Variants in SGSM1 observed in about 807,000 individuals in gnomAD.
SGSM1 encodes small G protein signaling modulator 1.
In SGSM1, 73 loss-of-function variants were observed where a neutral mutation model predicts 133.8. The observed-to-expected ratio is 0.55, with a 90% CI of 0.45 to 0.66. SGSM1 has a LOEUF of 0.66. SGSM1 is among the 30% of genes least tolerant of loss of function. The probability of loss-of-function intolerance (pLI) is 0.00; values close to 1 mark genes in which losing one functional copy is unlikely to be tolerated. For missense variants in SGSM1, 1,213 were observed against 1,448.1 expected (o/e 0.84, Z 2.64); for synonymous variants, 563 against 573.0 (o/e 0.98, Z 0.25).
At chr22:24,850,924 C>T (rs1272989057) in intron 5 of SGSM1, among the ~76,000 whole-genome samples, 3 of 151,930 alleles carry the variant, frequency 2.0e-5, no homozygotes, top group East Asian at 1.9e-4. Flanking sequence ...GGTGAAACCC[C>T]GTCTCTACTA....
intron 2 of SGSM1, among the ~76,000 whole-genome samples, chr22:24,822,257 AT>A (rs1300261531): frequency 6.6e-6 from 1 of 151,120 alleles, no homozygotes; most frequent in South Asian, 2.1e-4. Flanking sequence ...CGCCCGGCCA[AT>A]TTTTTTTGTA....
At chr22:24,888,938 CTTTTTTTTT>C (rs1234715475) in intron 16 of SGSM1, among the ~76,000 whole-genome samples, 1 of 79,952 alleles carries the variant, frequency 1.3e-5, no homozygotes, top group Non-Finnish European at 2.2e-5. Flanking sequence ...TCATAGTCAC[CTTTTTTTTT>C]TTTTTTTTTT....
At chr22:24,834,675 C>G (rs1393870179) in intron 2 of SGSM1, among the ~76,000 whole-genome samples, 1 of 152,086 alleles carries the variant, frequency 6.6e-6, no homozygotes, top group Non-Finnish European at 1.5e-5. Context: ...GGATCTGATC[C>G]AAGTCTCCCT....
intron 9 of SGSM1, among the ~76,000 whole-genome samples, chr22:24,866,336 CAG>C (rs1192268309): frequency 4.6e-5 from 7 of 152,286 alleles, no homozygotes; most frequent in Middle Eastern, 3.4e-3. Flanking sequence ...AACTGAGGCT[CAG>C]AGAAACCCTC....
At chr22:24,870,817 A>G (rs1931731157) in intron 12 of SGSM1, among the ~76,000 whole-genome samples, 1 of 152,192 alleles carries the variant, frequency 6.6e-6, no homozygotes, top group Non-Finnish European at 1.5e-5. Context: ...TTGTGAGGCA[A>G]ACTCTGACAT....
chr22:24,812,728 A>G (rs544010812), intron 2 of SGSM1, among the ~76,000 whole-genome samples: 7 of 152,156 alleles, frequency 4.6e-5, no homozygotes, highest in Non-Finnish European at 1.0e-4. Context: ...AGGGACCAGG[A>G]TAGACAGTTT....
chr22:24,836,663 T>C (rs920931051), intron 2 of SGSM1, among the ~76,000 whole-genome samples: 3 of 152,240 alleles, frequency 2.0e-5, no homozygotes, highest in Non-Finnish European at 4.4e-5. Flanking sequence ...TGGTATCTCA[T>C]TGTGGTTTTG....
At chr22:24,878,415 G>A (rs1210923328) in intron 13 of SGSM1, among the ~76,000 whole-genome samples, 10 of 152,158 alleles carry the variant, frequency 6.6e-5, no homozygotes, top group African/African-American at 2.4e-4. Context: ...CTATTCTGAT[G>A]TAATCTGAGC....
chr22:24,898,291 G>T lies in SGSM1; in HGVS notation c.2342G>T (p.Ser781Ile), dbSNP rs753626320. 17 of 1,613,994 alleles carry T rather than the reference G, an allele frequency of 1.1e-5. No homozygotes were observed. Among genetic ancestry groups the T allele is most frequent in the Non-Finnish European group, 1.4e-5 (16 of 1,179,882 alleles). ...APREELAVQD[S>I]LESDLLANES... The stretch of plus-strand genomic sequence containing the variant: ...CGGGAGGAGCTGGCCGTGCAGGACA[G>T]CCTGGAGAGTGACCTCCTGGCCAAC... Residue 781 changes from serine to isoleucine, a missense_variant, in exon 19 of 25, where the codon AGC becomes ATC. Transcript: ENST00000400358.
chr22:24,887,213 A>G (rs1932664444), intron 16 of SGSM1, among the ~76,000 whole-genome samples: 1 of 151,384 alleles, frequency 6.6e-6, no homozygotes, highest in Non-Finnish European at 1.5e-5. Context: ...TTAATGCTAT[A>G]AGGACCCCCA....
intron 24 of SGSM1, among the ~76,000 whole-genome samples, chr22:24,920,931 A>T (rs1480179496): frequency 6.6e-6 from 1 of 152,102 alleles, no homozygotes; most frequent in Non-Finnish European, 1.5e-5. Context: ...ACCATCTATT[A>T]AACTACAGGC....
intron 14 of SGSM1, among the ~76,000 whole-genome samples, chr22:24,882,150 T>C (rs1168875664): frequency 6.6e-6 from 1 of 152,196 alleles, no homozygotes; most frequent in East Asian, 1.9e-4. Context: ...CACTGCACCC[T>C]CTACCTCCCT....
chr22:24,817,897 G>A (rs1928202925), intron 2 of SGSM1, among the ~76,000 whole-genome samples: 1 of 152,150 alleles, frequency 6.6e-6, no homozygotes, highest in South Asian at 2.1e-4. Flanking sequence ...TCCTCACATG[G>A]CAGAAAGGGG....
intron 2 of SGSM1, among the ~76,000 whole-genome samples, chr22:24,830,815 G>A (rs1199716777): frequency 6.6e-6 from 1 of 151,930 alleles, no homozygotes; most frequent in African/African-American, 2.4e-5. Flanking sequence ...TGCATTTCCA[G>A]CCAGTTCCTA....
At chr22:24,844,599 C>G in intron 2 of SGSM1, 1 of 302,534 alleles carries the variant, frequency 3.3e-6, no homozygotes, top group Non-Finnish European at 6.1e-6. Context: ...GGGGAGGGGT[C>G]TGCCTTAGAC....
intron 12 of SGSM1, 91 bp from the exon 13 acceptor site, chr22:24,876,486 C>G: frequency 5.3e-6 from 8 of 1,521,860 alleles, no homozygotes; most frequent in Non-Finnish European, 2.7e-6. Context: ...CTGGCTGGGG[C>G]GGGTGAGCTG....
At chr22:24,885,370 C>T (rs186223121) in intron 15 of SGSM1, among the ~76,000 whole-genome samples, 22 of 151,260 alleles carry the variant, frequency 1.5e-4, no homozygotes, top group South Asian at 4.2e-4. Context: ...TTTACATAAA[C>T]GGACTCATAC....
At chr22:24,887,236 A>G (rs992595369) in intron 16 of SGSM1, among the ~76,000 whole-genome samples, 14 of 152,036 alleles carry the variant, frequency 9.2e-5, no homozygotes, top group Non-Finnish European at 1.8e-4. Flanking sequence ...TTGTCCTTTT[A>G]TAGCCAGACT....
Position 24,844,984 on chromosome 22 carries a change from A to G in SGSM1, c.139+12A>G, listed in dbSNP as rs930967694. On this transcript the variant is annotated intron_variant, in intron 3 of 24. Coordinates refer to ENST00000400358, the MANE Select transcript of SGSM1 (RefSeq NM_001098497.3). ...CATCTCCTTCTGTGGTGAGTCTGTG[A>G]CCTGGGAAAGTGGCTTCTTTCTCTG... The G allele has an allele frequency of 6.2e-7, 1 of 1,613,124 alleles. No individual in the cohort carries two copies. Among genetic ancestry groups the G allele is most frequent in the South Asian group, 1.1e-5 (1 of 90,898 alleles).
Sources: gnomAD v4.1 joint callset for allele counts (sites outside exome capture counted in the v4.1 genomes callset) on GRCh38, gnomAD v4.1.1 for gene constraint, MANE v1.5 for transcripts, NCBI Gene and HGNC (gene_info 2026-07-23, HGNC 2026-07-21) for gene names.